The following TRIM69 variants were observed in gnomAD, a reference collection of about 807,000 sequenced individuals.
The protein encoded by TRIM69 is tripartite motif containing 69.
In TRIM69, 29 loss-of-function variants were observed where a neutral mutation model predicts 37.7. The observed-to-expected ratio is 0.77, with a 90% CI of 0.57 to 1.05. The LOEUF (loss-of-function observed/expected upper bound fraction) is 1.05. Ranked by LOEUF, TRIM69 falls within the 50% of genes least tolerant of loss-of-function variation. The probability of loss-of-function intolerance (pLI) is 0.00; values close to 1 mark genes in which losing one functional copy is unlikely to be tolerated. For missense variants in TRIM69, 596 were observed against 579.9 expected, an observed-to-expected ratio of 1.03 and a Z score of -0.28; for synonymous variants, 209 against 212.4, an observed-to-expected ratio of 0.98 and a Z score of 0.14.
intron 2 of TRIM69, among the ~76,000 whole-genome samples, chr15:44,756,119 T>C (rs186938476): frequency 7.9e-5 from 12 of 152,306 alleles, no homozygotes; most frequent in Non-Finnish European, 1.5e-4. Flanking sequence ...CTCAAACTCC[T>C]GGGCCCAAGT....
chr15:44,743,162 A>G (rs935194437), intron 1 of TRIM69, among the ~76,000 whole-genome samples: 29 of 152,314 alleles, frequency 1.9e-4, no homozygotes, highest in South Asian at 1.2e-3. Context: ...ATAATGCCGC[A>G]TATCTACAAC....
At chr15:44,752,512 A>G (rs144992411) in intron 1 of TRIM69, among the ~76,000 whole-genome samples, 3,327 of 152,150 alleles carry the variant, frequency 0.022, 70 homozygotes, top group Non-Finnish European at 0.032. Flanking sequence ...TTGTTTGTGT[A>G]TTTGGTTCTA....
In TRIM69 at chr15:44,750,715, C is replaced by CTTTTTTTTTT. The variant is rs869059418; in HGVS notation, c.7-4167_7-4158dup. On this transcript the variant is annotated intron_variant, in intron 1 of 6. Transcript: ENST00000329464. ...TCGCATTTTTATTTCATTACTTTTT[C>CTTTTTTTTTT]TTTTTTTTTTTTTTTTTTTTTTTTT... Among the ~76,000 whole-genome samples the CTTTTTTTTTT allele has an allele frequency of 4.2e-4, 43 of 102,840 alleles. 17 individuals are homozygous for CTTTTTTTTTT. The highest frequency in any genetic ancestry group is 1.3e-3 in the African/African-American group (34 of 25,876). 67.5% of individuals were successfully genotyped at this position (102,840 alleles called of 152,430 possible).
At chr15:44,766,757 A>T (rs563105065) in intron 6 of TRIM69, among the ~76,000 whole-genome samples, 91 of 152,234 alleles carry the variant, frequency 6.0e-4, no homozygotes, top group African/African-American at 2.1e-3. Context: ...ATACCCAAAC[A>T]ATAAAAAGCA....
At chr15:44,741,474 AAC>A (rs1240688524) in intron 1 of TRIM69, among the ~76,000 whole-genome samples, 1 of 152,250 alleles carries the variant, frequency 6.6e-6, no homozygotes, top group African/African-American at 2.4e-5. Context: ...ATCAGAGCAG[AAC>A]TGAAGGAAAA....
intron 1 of TRIM69, among the ~76,000 whole-genome samples, chr15:44,749,184 G>T (rs1183282543): frequency 6.6e-6 from 1 of 152,172 alleles, no homozygotes; most frequent in South Asian, 2.1e-4. Context: ...GAGCCATCAT[G>T]CTTGGCCTAC....
At chr15:44,740,347 G>A (rs891172228) in intron 1 of TRIM69, among the ~76,000 whole-genome samples, 19 of 152,360 alleles carry the variant, frequency 1.2e-4, no homozygotes, top group African/African-American at 4.1e-4. Flanking sequence ...AAGGAACGCA[G>A]TTCCTCACCA....
At position 44,767,371 on chromosome 15, in the gene TRIM69, C is replaced by A. The variant is rs971378384; in HGVS notation, c.1102C>A (p.Leu368Met). The change falls in exon 7 of 7, where the codon CTG (leucine) becomes ATG (methionine). Residue 368 changes from leucine (L) to methionine (M), a missense_variant. Transcript: ENST00000329464. ...GAGGTTTGACTCAAGTGTGGCTGTACTGGGCTCAAGAGGCTTCACCTCTGG... is the reference window on the plus strand; with the variant it reads ...GAGGTTTGACTCAAGTGTGGCTGTAATGGGCTCAAGAGGCTTCACCTCTGG... The part of the protein sequence containing the change: ...PERFDSSVAV[L>M]GSRGFTSGKW... 4.3e-6 allele frequency: 7 copies of A among 1,614,010 alleles called. No homozygotes were observed. Among genetic ancestry groups the A allele is most frequent in the Non-Finnish European group, 5.9e-6 (7 of 1,180,052 alleles).
At chr15:44,741,036 C>T (rs1343677146) in intron 1 of TRIM69, among the ~76,000 whole-genome samples, 2 of 150,672 alleles carry the variant, frequency 1.3e-5, no homozygotes, top group Non-Finnish European at 3.0e-5. Context: ...CCACACCACA[C>T]CTATTCCAAA....
intron 4 of TRIM69, 34 bp from the exon 5 acceptor site, chr15:44,759,606 G>A: frequency 6.2e-7 from 1 of 1,609,762 alleles, no homozygotes; most frequent in Non-Finnish European, 8.5e-7. Flanking sequence ...TTGATGAACG[G>A]GCATCTGATG....
At chr15:44,759,109 G>A (rs555347174) in intron 4 of TRIM69, among the ~76,000 whole-genome samples, 3 of 152,268 alleles carry the variant, frequency 2.0e-5, no homozygotes, top group East Asian at 1.9e-4. Context: ...TATAGTAATG[G>A]TTTAATATTT....
intron 1 of TRIM69, among the ~76,000 whole-genome samples, chr15:44,751,357 C>G (rs997807753): frequency 6.6e-6 from 1 of 152,122 alleles, no homozygotes; most frequent in African/African-American, 2.4e-5. Flanking sequence ...CTCAGGTGAT[C>G]TGCCCACCTC....
intron 6 of TRIM69, among the ~76,000 whole-genome samples, chr15:44,764,589 T>A (rs1450058397): frequency 6.6e-6 from 1 of 152,214 alleles, no homozygotes; most frequent in Non-Finnish European, 1.5e-5. Context: ...TCTGCTCTTG[T>A]AGTGAAAAAG....
At chr15:44,740,261 T>C (rs1429950370) in intron 1 of TRIM69, among the ~76,000 whole-genome samples, 3 of 152,114 alleles carry the variant, frequency 2.0e-5, no homozygotes, top group East Asian at 1.9e-4. Context: ...CAAAAGTAGA[T>C]AAAACCGCAA....
intron 6 of TRIM69, among the ~76,000 whole-genome samples, chr15:44,761,562 T>G (rs534775170): frequency 6.6e-6 from 1 of 152,284 alleles, no homozygotes; most frequent in South Asian, 2.1e-4. Flanking sequence ...CCTCCGAAGC[T>G]CAAGTGATTC....
intron 1 of TRIM69, among the ~76,000 whole-genome samples, chr15:44,739,543 G>A (rs987367852): frequency 1.9e-4 from 29 of 152,312 alleles, no homozygotes; most frequent in Admixed American, 1.2e-3. Context: ...GTGCTTTTCC[G>A]ACGGGCTTAA....
Position 44,759,753 on chromosome 15 carries a change from A to G in TRIM69, c.842A>G (p.Glu281Gly). The G allele has an allele frequency of 6.2e-7, 1 of 1,614,198 alleles. No individual in the cohort carries two copies. Among genetic ancestry groups the G allele is most frequent in the Non-Finnish European group, 8.5e-7 (1 of 1,180,034 alleles). ...ATGATTTATGTGCCCTGCAGCTTGGAGCAAGGAATGAAGGTGCTGGCAACC... is the reference window on the plus strand; with the variant it reads ...ATGATTTATGTGCCCTGCAGCTTGGGGCAAGGAATGAAGGTGCTGGCAACC... Reference protein sequence around the residue: ...KDITTLLHSLEQGMKVLATRE... With the variant: ...KDITTLLHSLGQGMKVLATRE... Residue 281 changes from glutamate (E) to glycine (G), a missense_variant, in exon 6 of 7, where the codon GAG becomes GGG. Physicochemically the swap from Glu to Gly is moderately conservative, Grantham distance 98. Coordinates refer to ENST00000329464, the MANE Select transcript of TRIM69 (RefSeq NM_182985.5).
At chr15:44,752,118 C>T (rs1163373055) in intron 1 of TRIM69, among the ~76,000 whole-genome samples, 2 of 151,978 alleles carry the variant, frequency 1.3e-5, no homozygotes, top group African/African-American at 2.4e-5. Context: ...CTTCTTTGAC[C>T]AATTAGTTAA....
At position 44,754,886 on chromosome 15, in the gene TRIM69, G is replaced by T; in HGVS notation, c.7-14G>T. 3 of 1,571,576 alleles carry T rather than the reference G, an allele frequency of 1.9e-6. No homozygotes were observed. Among genetic ancestry groups the T allele is most frequent in the South Asian group, 1.1e-5 (1 of 88,442 alleles). ...CAAGAAAGATAAACTCATTTTAGCT[G>T]TTCTTTTCTAAAGGTATCCACCAAC... On this transcript the variant is annotated splice_polypyrimidine_tract_variant and intron_variant, in intron 1 of 6. Transcript: ENST00000329464.
Sources: allele counts gnomAD v4.1 joint callset (sites outside exome capture counted in the v4.1 genomes callset), GRCh38; gene constraint gnomAD v4.1.1; transcripts MANE v1.5; gene names NCBI Gene and HGNC (gene_info 2026-07-23, HGNC 2026-07-21).